The following ITSN1 variants were observed in gnomAD, a reference collection of about 807,000 sequenced individuals.
The protein encoded by ITSN1 is intersectin-1.
ITSN1 carries 58 observed loss-of-function variants against 239.8 expected under a neutral mutation model. That is an observed-to-expected ratio of 0.24 (90% CI 0.20 to 0.30). The LOEUF is 0.30. ITSN1 is among the 10% of genes least tolerant of loss of function. ITSN1 has a pLI of 1.00. For missense variants in ITSN1, 1,558 were observed against 2,103.3 expected (o/e 0.74, Z 5.07); for synonymous variants, 780 against 770.8 (o/e 1.01, Z -0.20).
chr21:33,721,122 CA>C, intron 2 of ITSN1, 55 bp from the exon 3 acceptor site: 2 of 1,086,206 alleles, frequency 1.8e-6, no homozygotes, highest in Non-Finnish European at 2.9e-6. Flanking sequence ...TGTGTGAGAG[CA>C]TTTTGTTTTC....
chr21:33,826,938 T>G, intron 26 of ITSN1, 75 bp downstream of exon 26: 1 of 1,210,088 alleles, frequency 8.3e-7, no homozygotes, highest in African/African-American at 1.5e-5. Context: ...CTTTGTGTAT[T>G]AGGGCCAGAA....
intron 29 of ITSN1, among the ~76,000 whole-genome samples, chr21:33,849,565 CAAA>C (rs55906219): frequency 1.8e-3 from 156 of 85,704 alleles, no homozygotes; most frequent in African/African-American, 4.5e-3. Context: ...GACTCTGTCT[CAAA>C]AAAAAAAAAA....
chr21:33,670,994 T>C (rs2090239317), intron 1 of ITSN1, among the ~76,000 whole-genome samples: 1 of 152,244 alleles, frequency 6.6e-6, no homozygotes, highest in Non-Finnish European at 1.5e-5. Context: ...TAGTGAAACT[T>C]GGAAAAAGTC....
chr21:33,740,127 G>C (rs2066752778), intron 5 of ITSN1, among the ~76,000 whole-genome samples: 2 of 152,284 alleles, frequency 1.3e-5, no homozygotes, highest in South Asian at 4.1e-4. Flanking sequence ...ACTGAGATGG[G>C]GATAACAGGA....
At chr21:33,718,768 A>G in intron 1 of ITSN1, 29 bp from the exon 2 acceptor site, 1 of 1,470,946 alleles carries the variant, frequency 6.8e-7, no homozygotes, top group East Asian at 2.3e-5. Flanking sequence ...AAGTTTTCAT[A>G]AACTTAAATG....
intron 12 of ITSN1, 116 bp downstream of exon 12, chr21:33,772,439 T>TG: frequency 7.7e-7 from 1 of 1,292,616 alleles, no homozygotes; most frequent in Non-Finnish European, 1.1e-6. Flanking sequence ...AGTTTTAGTA[T>TG]ATTCCCAAAG....
chr21:33,713,790 G>A (rs1339159360), intron 1 of ITSN1, among the ~76,000 whole-genome samples: 1 of 150,076 alleles, frequency 6.7e-6, no homozygotes, highest in Non-Finnish European at 1.5e-5. Flanking sequence ...AAAGACCTGT[G>A]GTTGGAAGAA....
intron 31 of ITSN1, among the ~76,000 whole-genome samples, chr21:33,860,512 CTTT>C (rs1169403745): frequency 1.3e-5 from 2 of 152,100 alleles, no homozygotes; most frequent in East Asian, 1.9e-4. Context: ...TCTCTGTTGT[CTTT>C]TAACCCCCAT....
intron 36 of ITSN1, among the ~76,000 whole-genome samples, chr21:33,883,919 A>T (rs1175306145): frequency 1.2e-5 from 1 of 83,764 alleles, no homozygotes; most frequent in East Asian, 4.9e-4. Context: ...TTTTTTTTTA[A>T]GGCAGAGTCT....
intron 1 of ITSN1, among the ~76,000 whole-genome samples, chr21:33,700,001 A>G (rs1472696199): frequency 6.7e-6 from 1 of 149,962 alleles, no homozygotes; most frequent in African/African-American, 2.5e-5. Context: ...GCCTCAAGAG[A>G]TCCTCCTGCC....
chr21:33,677,766 G>A (rs1017677478), intron 1 of ITSN1, among the ~76,000 whole-genome samples: 3 of 152,092 alleles, frequency 2.0e-5, no homozygotes, highest in Non-Finnish European at 4.4e-5. Flanking sequence ...CTTTGATTCC[G>A]CTCTTCCACC....
intron 4 of ITSN1, among the ~76,000 whole-genome samples, chr21:33,726,178 G>C (rs1173753782): frequency 6.6e-6 from 1 of 152,108 alleles, no homozygotes; most frequent in East Asian, 1.9e-4. Flanking sequence ...ATTTTTAGTA[G>C]AGACAGGTTT....
chr21:33,832,778 C>T (rs964305212), intron 27 of ITSN1, among the ~76,000 whole-genome samples: 5 of 152,154 alleles, frequency 3.3e-5, no homozygotes, highest in African/African-American at 1.2e-4. Flanking sequence ...GAAACCTGCT[C>T]TGTGTTCTGA....
intron 29 of ITSN1, among the ~76,000 whole-genome samples, chr21:33,855,611 T>C (rs1005367874): frequency 2.0e-5 from 3 of 152,234 alleles, no homozygotes; most frequent in Non-Finnish European, 4.4e-5. Flanking sequence ...CCAGTGTGTC[T>C]GGGGCAGGAG....
At chr21:33,695,332 A>G (rs1375358468) in intron 1 of ITSN1, among the ~76,000 whole-genome samples, 1 of 152,244 alleles carries the variant, frequency 6.6e-6, no homozygotes, top group East Asian at 1.9e-4. Flanking sequence ...TTAGATTCCC[A>G]AATAAAATTG....
At chr21:33,673,460 G>A (rs1163515580) in intron 1 of ITSN1, among the ~76,000 whole-genome samples, 1 of 152,174 alleles carries the variant, frequency 6.6e-6, no homozygotes. Flanking sequence ...CTGTGTATAT[G>A]TATAACAAAA....
chr21:33,867,428 A>G (rs1188582527), intron 33 of ITSN1, 97 bp downstream of exon 33: 5 of 755,014 alleles, frequency 6.6e-6, no homozygotes, highest in Middle Eastern at 2.4e-4. Flanking sequence ...CATATCTGGT[A>G]ACTGTTGTGT....
intron 1 of ITSN1, among the ~76,000 whole-genome samples, chr21:33,674,041 T>G (rs2090454564): frequency 6.6e-6 from 1 of 152,234 alleles, no homozygotes; most frequent in Admixed American, 6.5e-5. Flanking sequence ...GTTGAATGTT[T>G]GATTGTATAA....
chr21:33,888,325 C>A lies in ITSN1; in HGVS notation c.*25C>A. 6.3e-7 allele frequency: 1 copy of A among 1,597,366 alleles called. No individual in the cohort carries two copies. Among genetic ancestry groups the A allele is most frequent in the Non-Finnish European group, 8.5e-7 (1 of 1,170,702 alleles). ...GGCAGCGGGCTCAGGGTGTGCTCAG[C>A]AGGGTCCCAGCCCACGGCCACACAT... On this transcript the variant is annotated 3_prime_UTR_variant, in exon 40 of 40. Coordinates refer to ENST00000381318, the MANE Select transcript of ITSN1 (RefSeq NM_003024.3).
Sources: allele counts gnomAD v4.1 joint callset (sites outside exome capture counted in the v4.1 genomes callset), GRCh38; gene constraint gnomAD v4.1.1; transcripts MANE v1.5; gene names NCBI Gene and HGNC (gene_info 2026-07-23, HGNC 2026-07-21).